Variants in PKP4 observed in about 807,000 individuals in gnomAD.
PKP4 encodes the protein plakophilin-4.
PKP4 carries 90 observed loss-of-function variants against 145.1 expected under a neutral mutation model. The ratio of observed to expected loss-of-function variants is 0.62; its 90% confidence interval spans 0.52 to 0.74. The LOEUF (loss-of-function observed/expected upper bound fraction) is 0.74, where lower values mean the gene tolerates loss of function less well. PKP4 is among the 30% of genes least tolerant of loss of function. The probability of loss-of-function intolerance (pLI) is 0.00; values close to 1 mark genes in which losing one functional copy is unlikely to be tolerated. For synonymous variants in PKP4, 563 were observed against 577.2 expected (o/e 0.98, Z 0.35); for missense variants, 1,340 against 1,482.7 (o/e 0.90, Z 1.58).
chr2:158,632,025 G>C, intron 8 of PKP4, 84 bp downstream of exon 8: 3 of 1,263,978 alleles, frequency 2.4e-6, no homozygotes, highest in Non-Finnish European at 3.4e-6. Context: ...TTCCCTGTTA[G>C]AAGGAAATCA....
chr2:158,634,028 A>G (rs762097117), intron 8 of PKP4, 42 bp from the exon 9 acceptor site: 7 of 1,100,806 alleles, frequency 6.4e-6, no homozygotes, highest in Non-Finnish European at 8.4e-6. Context: ...GTGTGATCTC[A>G]TGGAGAACAT....
intron 1 of PKP4, among the ~76,000 whole-genome samples, chr2:158,458,985 T>G (rs1416556677): frequency 6.6e-6 from 1 of 152,196 alleles, no homozygotes; most frequent in African/African-American, 2.4e-5. Flanking sequence ...CGGTAATTAT[T>G]TACGTGTAAA....
intron 1 of PKP4, among the ~76,000 whole-genome samples, chr2:158,486,515 A>G (rs1442646541): frequency 2.0e-5 from 3 of 152,262 alleles, no homozygotes; most frequent in Non-Finnish European, 4.4e-5. Flanking sequence ...GATATTATTC[A>G]GCTTTCTGAG....
intron 15 of PKP4, among the ~76,000 whole-genome samples, chr2:158,664,766 C>T (rs934975332): frequency 6.6e-6 from 1 of 152,202 alleles, no homozygotes; most frequent in African/African-American, 2.4e-5. Context: ...CGTCTGGCAG[C>T]CTAGGGGCTC....
intron 4 of PKP4, among the ~76,000 whole-genome samples, chr2:158,613,797 A>G (rs2051345950): frequency 1.3e-5 from 2 of 152,168 alleles, no homozygotes; most frequent in South Asian, 4.1e-4. Context: ...CAAAGGCTTG[A>G]CCTGAAAGCT....
At chr2:158,581,350 C>G (rs1574604491) in intron 3 of PKP4, among the ~76,000 whole-genome samples, 2 of 152,278 alleles carry the variant, frequency 1.3e-5, no homozygotes, top group Admixed American at 1.3e-4. Flanking sequence ...TCACCAGTTA[C>G]CTTTCATACT....
chr2:158,496,759 C>CGTGTGTGT (rs58108158), intron 1 of PKP4, among the ~76,000 whole-genome samples: 100 of 144,954 alleles, frequency 6.9e-4, no homozygotes, highest in African/African-American at 1.7e-3. Context: ...CTTCTCTCTC[C>CGTGTGTGT]GTGTGTGTGT....
intron 13 of PKP4, 42 bp from the exon 14 acceptor site, chr2:158,662,855 T>G (rs1160378173): frequency 6.5e-7 from 1 of 1,529,370 alleles, no homozygotes; most frequent in African/African-American, 1.4e-5. Flanking sequence ...TTTGCTCTAA[T>G]GTGCCGAGTT....
intron 1 of PKP4, among the ~76,000 whole-genome samples, chr2:158,478,270 T>C (rs780490044): frequency 5.3e-5 from 8 of 151,876 alleles, no homozygotes; most frequent in African/African-American, 1.7e-4. Context: ...TTAAAAGTAA[T>C]TGTATTAAGT....
intron 3 of PKP4, among the ~76,000 whole-genome samples, chr2:158,595,430 T>C (rs1162404529): frequency 6.6e-6 from 1 of 152,152 alleles, no homozygotes; most frequent in African/African-American, 2.4e-5. Flanking sequence ...GGGACTTCCA[T>C]AGGAATTATA....
chr2:158,679,554 T>C (rs533417647), intron 21 of PKP4, among the ~76,000 whole-genome samples: 41 of 152,362 alleles, frequency 2.7e-4, no homozygotes, highest in African/African-American at 9.9e-4. Flanking sequence ...TGACATTGGT[T>C]TCTATGTGGT....
intron 3 of PKP4, among the ~76,000 whole-genome samples, chr2:158,581,648 G>C (rs72938726): frequency 0.016 from 2,363 of 152,240 alleles, 32 homozygotes; most frequent in Non-Finnish European, 0.024. Context: ...GAGTAGTTCG[G>C]TTCCCTCACA....
chr2:158,503,260 G>A (rs1207855186), intron 1 of PKP4, among the ~76,000 whole-genome samples: 1 of 152,214 alleles, frequency 6.6e-6, no homozygotes, highest in Non-Finnish European at 1.5e-5. Flanking sequence ...TTCCAGTAAT[G>A]CGTTATCTTT....
intron 1 of PKP4, among the ~76,000 whole-genome samples, chr2:158,532,175 T>C (rs931088226): frequency 6.6e-6 from 1 of 152,170 alleles, no homozygotes; most frequent in East Asian, 1.9e-4. Context: ...AAATGAATAA[T>C]AATAGTAGAG....
intron 2 of PKP4, among the ~76,000 whole-genome samples, chr2:158,534,607 T>C (rs1433522474): frequency 6.6e-6 from 1 of 152,226 alleles, no homozygotes; most frequent in African/African-American, 2.4e-5. Flanking sequence ...TTTGGGGCTC[T>C]TAGTATATAC....
chr2:158,558,505 G>A (rs535666339), intron 2 of PKP4, among the ~76,000 whole-genome samples: 1 of 152,276 alleles, frequency 6.6e-6, no homozygotes, highest in East Asian at 1.9e-4. Context: ...ATGCAGAAAG[G>A]TCAGGGTAGA....
intron 1 of PKP4, among the ~76,000 whole-genome samples, chr2:158,517,286 A>C (rs185821824): frequency 6.6e-6 from 1 of 152,372 alleles, no homozygotes; most frequent in East Asian, 1.9e-4. Context: ...AAATTTTAAA[A>C]TAAAAAAGCT....
At chr2:158,486,079 G>A (rs1037707332) in intron 1 of PKP4, among the ~76,000 whole-genome samples, 1 of 151,994 alleles carries the variant, frequency 6.6e-6, no homozygotes, top group Non-Finnish European at 1.5e-5. Context: ...AATTTGATAA[G>A]GAAAATTGGA....
Position 158,608,778 on chromosome 2 carries a change from A to G in PKP4, c.280+5674A>G, listed in dbSNP as rs114914320. Among the ~76,000 whole-genome samples the G allele has an allele frequency of 7.4e-3, 1,127 of 151,326 alleles. 19 individuals are homozygous for G. Among genetic ancestry groups the G allele is most frequent in the African/African-American group, 0.026 (1,075 of 41,194 alleles). Reference sequence around the variant, plus strand: ...AGTAGCAAATTGAAAATTTATGAATAAAATAGTAAAATCTTATTTTCTTTT... The same window carrying G: ...AGTAGCAAATTGAAAATTTATGAATGAAATAGTAAAATCTTATTTTCTTTT... On this transcript the variant is annotated intron_variant, in intron 4 of 21. Coordinates refer to ENST00000389759, the MANE Select transcript of PKP4 (RefSeq NM_003628.6).
Sources: gnomAD v4.1 joint callset for allele counts (sites outside exome capture counted in the v4.1 genomes callset) on GRCh38, gnomAD v4.1.1 for gene constraint, MANE v1.5 for transcripts, NCBI Gene and HGNC (gene_info 2026-07-23, HGNC 2026-07-21) for gene names.